ADIPOR2: variants seen among roughly 807,000 people sequenced by gnomAD.
The protein encoded by ADIPOR2 is adiponectin receptor protein 2.
A neutral mutation model predicts 40.9 loss-of-function variants in ADIPOR2; 18 were observed. The ratio of observed to expected loss-of-function variants is 0.44; its 90% CI spans 0.30 to 0.65. The LOEUF (loss-of-function observed/expected upper bound fraction) is 0.65, where lower values mean the gene tolerates loss of function less well. Ranked by LOEUF, ADIPOR2 falls within the 30% of genes least tolerant of loss-of-function variation. The probability of loss-of-function intolerance (pLI) is 0.09; values close to 1 mark genes in which losing one functional copy is unlikely to be tolerated. For missense variants in ADIPOR2, 283 were observed against 479.2 expected (o/e 0.59, Z 3.82); for synonymous variants, 165 against 166.4 (o/e 0.99, Z 0.06).
At chr12:1,721,479 G>C (rs2094697891) in intron 1 of ADIPOR2, among the ~76,000 whole-genome samples, 1 of 152,136 alleles carries the variant, frequency 6.6e-6, no homozygotes, top group Non-Finnish European at 1.5e-5. Flanking sequence ...GCCTGCCACA[G>C]TGCTGGGATT....
At chr12:1,773,795 A>C (rs1359446029) in intron 3 of ADIPOR2, among the ~76,000 whole-genome samples, 1 of 152,208 alleles carries the variant, frequency 6.6e-6, no homozygotes, top group African/African-American at 2.4e-5. Flanking sequence ...CTTTTTATGT[A>C]CATGGTCTTA....
intron 2 of ADIPOR2, 100 bp downstream of exon 2, chr12:1,754,614 G>A: frequency 8.3e-7 from 1 of 1,205,750 alleles, no homozygotes; most frequent in African/African-American, 1.6e-5. Context: ...TTGCTGGAGG[G>A]AGGATGGGGT....
intron 1 of ADIPOR2, among the ~76,000 whole-genome samples, chr12:1,712,559 T>G (rs2094679680): frequency 1.3e-5 from 2 of 152,142 alleles, no homozygotes; most frequent in African/African-American, 4.8e-5. Context: ...GCTCTCTCTC[T>G]GACGTATAAA....
chr12:1,750,327 C>T (rs2154443329), intron 1 of ADIPOR2, among the ~76,000 whole-genome samples: 1 of 150,258 alleles, frequency 6.7e-6, no homozygotes, highest in Admixed American at 6.7e-5. Flanking sequence ...GGGAGGCCAA[C>T]GTGAGAGGAT....
intron 2 of ADIPOR2, among the ~76,000 whole-genome samples, chr12:1,755,193 C>T (rs1347028520): frequency 2.0e-5 from 3 of 151,854 alleles, no homozygotes; most frequent in Non-Finnish European, 4.4e-5. Context: ...GATTATCCTG[C>T]CTCAGCCTCC....
rs895212870 is a variant in ADIPOR2 at position 1,745,919 on chromosome 12, T to G, written c.-86-8339T>G. ...CATAGTGTTTTCATAAAACATATGT[T>G]ACACGAACTTTTTGAAGATCCCTTG... is the stretch of plus-strand genomic sequence containing the variant. On this transcript the variant is annotated intron_variant, in intron 1 of 7. Coordinates refer to ENST00000357103, the MANE Select transcript of ADIPOR2 (RefSeq NM_024551.3). Among the ~76,000 whole-genome samples, 5 of 152,284 alleles carry G rather than the reference T, an allele frequency of 3.3e-5. No individual in the cohort carries two copies. The South Asian group carries it at 6.2e-4, about 19-fold the overall frequency.
intron 1 of ADIPOR2, among the ~76,000 whole-genome samples, chr12:1,710,969 A>G (rs1182174928): frequency 6.6e-6 from 1 of 152,132 alleles, no homozygotes; most frequent in African/African-American, 2.4e-5. Flanking sequence ...GAAAGGGGAG[A>G]AGCCATGTTG....
intron 2 of ADIPOR2, among the ~76,000 whole-genome samples, chr12:1,769,522 T>C (rs1862453016): frequency 6.6e-6 from 1 of 152,250 alleles, no homozygotes; most frequent in Admixed American, 6.5e-5. Flanking sequence ...ATCAACAGAT[T>C]TATTAATACT....
chr12:1,764,558 A>AACACACACACACACACACAC (rs59660682), intron 2 of ADIPOR2, among the ~76,000 whole-genome samples: 1 of 119,086 alleles, frequency 8.4e-6, no homozygotes. Flanking sequence ...TAAAGTATTA[A>AACACACACACACACACACAC]ACACACACAC....
At chr12:1,773,289 A>G (rs1303987676) in intron 3 of ADIPOR2, among the ~76,000 whole-genome samples, 4 of 152,168 alleles carry the variant, frequency 2.6e-5, no homozygotes, top group African/African-American at 4.8e-5. Flanking sequence ...ACGCCTGGAG[A>G]TATGAAAATG....
intron 1 of ADIPOR2, among the ~76,000 whole-genome samples, chr12:1,717,297 G>A (rs1318202432): frequency 1.3e-5 from 2 of 152,136 alleles, no homozygotes; most frequent in African/African-American, 4.8e-5. Context: ...TTTCTAGGCT[G>A]CTCATATTAA....
chr12:1,718,270 C>T (rs1055862297), intron 1 of ADIPOR2, among the ~76,000 whole-genome samples: 6 of 151,902 alleles, frequency 3.9e-5, no homozygotes, highest in Non-Finnish European at 5.9e-5. Context: ...TGAATGCATT[C>T]GAGATATTTC....
chr12:1,742,076 G>C (rs1417711526), intron 1 of ADIPOR2, among the ~76,000 whole-genome samples: 3 of 151,570 alleles, frequency 2.0e-5, no homozygotes, highest in Non-Finnish European at 2.9e-5. Flanking sequence ...GTGAGAGCCA[G>C]GGTCTGTTTT....
At chr12:1,769,886 G>A (rs940950163) in intron 2 of ADIPOR2, among the ~76,000 whole-genome samples, 4 of 151,060 alleles carry the variant, frequency 2.6e-5, no homozygotes, top group African/African-American at 9.8e-5. Context: ...CTGATATATT[G>A]GGATGGATGG....
At chr12:1,718,484 A>C (rs1203125495) in intron 1 of ADIPOR2, among the ~76,000 whole-genome samples, 3 of 152,136 alleles carry the variant, frequency 2.0e-5, no homozygotes, top group East Asian at 3.8e-4. Flanking sequence ...GACTTCAAAA[A>C]ATTTTTGTGA....
At chr12:1,746,704 T>C (rs922838918) in intron 1 of ADIPOR2, among the ~76,000 whole-genome samples, 3 of 152,024 alleles carry the variant, frequency 2.0e-5, no homozygotes, top group African/African-American at 4.8e-5. Context: ...CAATAATGGG[T>C]AGAACAACTA....
chr12:1,748,494 C>T (rs1020309461), intron 1 of ADIPOR2, among the ~76,000 whole-genome samples: 5 of 152,044 alleles, frequency 3.3e-5, no homozygotes, highest in African/African-American at 4.8e-5. Flanking sequence ...GTGATCTGCC[C>T]ACCTCGGCCT....
At chr12:1,717,726 G>C (rs1310215975) in intron 1 of ADIPOR2, among the ~76,000 whole-genome samples, 1 of 151,822 alleles carries the variant, frequency 6.6e-6, no homozygotes, top group African/African-American at 2.4e-5. Context: ...AAAAAATTCA[G>C]CTTCTGAAAA....
chr12:1,771,611 A>G (rs1403342656), intron 2 of ADIPOR2, among the ~76,000 whole-genome samples: 1 of 152,224 alleles, frequency 6.6e-6, no homozygotes, highest in Non-Finnish European at 1.5e-5. Flanking sequence ...CTGGGTGTAT[A>G]ACATGTCTCA....
Sources: allele counts gnomAD v4.1 joint callset (sites outside exome capture counted in the v4.1 genomes callset), GRCh38; gene constraint gnomAD v4.1.1; transcripts MANE v1.5; gene names NCBI Gene and HGNC (gene_info 2026-07-23, HGNC 2026-07-21).